Variants in AKAP19 observed in about 807,000 individuals in gnomAD.
The protein encoded by AKAP19 is small A-kinase anchoring protein.
chr2:190,068,437 C>G, the AKAP19 span, among the ~76,000 whole-genome samples: 1 of 152,194 alleles, frequency 6.6e-6, no homozygotes, highest in Non-Finnish European at 1.5e-5. Flanking sequence ...TCAAGCGATT[C>G]TCCTGCTTCA....
the AKAP19 span, among the ~76,000 whole-genome samples, chr2:189,993,371 T>G: frequency 6.6e-6 from 1 of 152,240 alleles, no homozygotes; most frequent in African/African-American, 2.4e-5. Flanking sequence ...ACCCACTTGA[T>G]CATAATGTAT....
chr2:190,185,097 A>T, the AKAP19 span, among the ~76,000 whole-genome samples: 1 of 152,356 alleles, frequency 6.6e-6, no homozygotes, highest in South Asian at 2.1e-4. Context: ...TACCAGAGTA[A>T]TGATTCTTTT....
the AKAP19 span, among the ~76,000 whole-genome samples, chr2:189,986,823 G>T: frequency 6.6e-6 from 1 of 152,026 alleles, no homozygotes; most frequent in Non-Finnish European, 1.5e-5. Flanking sequence ...CTTTCCTAAA[G>T]CCTCCTTCAA....
chr2:190,125,227 C>T, the AKAP19 span, among the ~76,000 whole-genome samples: 1 of 152,274 alleles, frequency 6.6e-6, no homozygotes, highest in East Asian at 1.9e-4. Context: ...ATGACATCAG[C>T]ATGGCTGTAA....
the AKAP19 span, among the ~76,000 whole-genome samples, chr2:189,940,710 T>A: frequency 6.6e-6 from 1 of 151,018 alleles, no homozygotes; most frequent in South Asian, 2.1e-4. Flanking sequence ...GAGGCTGAGA[T>A]GAAACCCCAC....
the AKAP19 span, among the ~76,000 whole-genome samples, chr2:190,036,932 C>A: frequency 5.6e-4 from 86 of 152,294 alleles, no homozygotes; most frequent in South Asian, 8.7e-3. Context: ...TGCTACTAAC[C>A]AAATTTTGGC....
the AKAP19 span, among the ~76,000 whole-genome samples, chr2:190,074,523 T>C: frequency 6.6e-6 from 1 of 152,040 alleles, no homozygotes; most frequent in Admixed American, 6.6e-5. Context: ...TGGTGGCGCG[T>C]GCCTCTAGTC....
the AKAP19 span, among the ~76,000 whole-genome samples, chr2:190,018,164 C>A: frequency 6.6e-6 from 1 of 152,084 alleles, no homozygotes; most frequent in African/African-American, 2.4e-5. Context: ...GATCTCTGGG[C>A]TTCCCATACC....
At chr2:190,108,892 C>G in the AKAP19 span, among the ~76,000 whole-genome samples, 1 of 149,664 alleles carries the variant, frequency 6.7e-6, no homozygotes, top group African/African-American at 2.5e-5. Flanking sequence ...AAACAGAAGA[C>G]TAACTTACAA....
chr2:189,907,496 G>C, the AKAP19 span, among the ~76,000 whole-genome samples: 2 of 152,010 alleles, frequency 1.3e-5, no homozygotes, highest in African/African-American at 4.8e-5. Context: ...GTAAAAAAAT[G>C]CATCATTCTA....
At chr2:189,994,053 C>G in the AKAP19 span, among the ~76,000 whole-genome samples, 1 of 150,972 alleles carries the variant, frequency 6.6e-6, no homozygotes, top group South Asian at 2.1e-4. Flanking sequence ...GCTCTGTTGC[C>G]AGGCTGGAGT....
chr2:189,992,991 A>G, the AKAP19 span, among the ~76,000 whole-genome samples: 1 of 152,302 alleles, frequency 6.6e-6, no homozygotes, highest in East Asian at 1.9e-4. Context: ...TTCTTTACCA[A>G]TTTGAATGCC....
the AKAP19 span, among the ~76,000 whole-genome samples, chr2:189,977,760 A>G: frequency 6.6e-6 from 1 of 152,188 alleles, no homozygotes; most frequent in Non-Finnish European, 1.5e-5. Context: ...AGTTGTGGAG[A>G]TATTAAAAAA....
the AKAP19 span, chr2:190,060,532 T>C: frequency 2.0e-6 from 2 of 1,024,944 alleles, no homozygotes; most frequent in Non-Finnish European, 2.8e-6. Context: ...ATTAAGATAA[T>C]GTATGCCTAT....
the AKAP19 span, among the ~76,000 whole-genome samples, chr2:189,984,651 G>A: frequency 1.3e-5 from 2 of 152,162 alleles, no homozygotes; most frequent in African/African-American, 2.4e-5. Context: ...GGTATTGATT[G>A]GGGAAGTGAT....
At chr2:189,972,111 T>G in the AKAP19 span, among the ~76,000 whole-genome samples, 1 of 152,204 alleles carries the variant, frequency 6.6e-6, no homozygotes, top group East Asian at 1.9e-4. Flanking sequence ...TTTTATGGTT[T>G]TATGTCTAAC....
At chr2:189,914,910 A>T in the AKAP19 span, among the ~76,000 whole-genome samples, 1 of 152,058 alleles carries the variant, frequency 6.6e-6, no homozygotes, top group South Asian at 2.1e-4. Context: ...TTTCACTCTC[A>T]AGCCTCTTGT....
At chr2:190,186,096 C>G in the AKAP19 span, among the ~76,000 whole-genome samples, 2 of 152,020 alleles carry the variant, frequency 1.3e-5, no homozygotes, top group African/African-American at 4.8e-5. The surrounding 1 kb of genome is among the most constrained non-coding windows in gnomAD (Gnocchi z 5.5). Flanking sequence ...GGATTACAGG[C>G]ATATGCCACC....
At chr2:190,066,096 C>T in the AKAP19 span, among the ~76,000 whole-genome samples, 1 of 152,086 alleles carries the variant, frequency 6.6e-6, no homozygotes, top group East Asian at 1.9e-4. Flanking sequence ...TTAAGTTAGC[C>T]ATCTCTAAAA....
Sources: gnomAD v4.1 joint callset for allele counts (sites outside exome capture counted in the v4.1 genomes callset) on GRCh38, gnomAD v4.1.1 for gene constraint, Gnocchi (gnomAD v3.1) non-coding constraint, MANE v1.5 for transcripts, NCBI Gene and HGNC (gene_info 2026-07-23, HGNC 2026-07-21) for gene names.